NRG3: variants seen among roughly 807,000 people sequenced by gnomAD.
NRG3 encodes pro-neuregulin-3, membrane-bound isoform.
NRG3 carries 31 observed loss-of-function variants against 66.9 expected under a neutral mutation model. The ratio of observed to expected loss-of-function variants is 0.46; its 90% CI spans 0.35 to 0.63. NRG3 has a LOEUF of 0.63. NRG3 is among the 20% of genes least tolerant of loss of function. The pLI is 0.00. For synonymous variants in NRG3, 393 were observed against 359.4 expected (o/e 1.09, Z -1.06); for missense variants, 910 against 878.9 (o/e 1.04, Z -0.45).
At chr10:82,745,555 G>T (rs2058606582) in intron 3 of NRG3, among the ~76,000 whole-genome samples, 1 of 152,038 alleles carries the variant, frequency 6.6e-6, no homozygotes, top group South Asian at 2.1e-4. Flanking sequence ...CCGTTTTTCT[G>T]GCTTGCCATG....
intron 2 of NRG3, among the ~76,000 whole-genome samples, chr10:82,710,176 A>G (rs2056569631): frequency 6.6e-6 from 1 of 152,254 alleles, no homozygotes; most frequent in African/African-American, 2.4e-5. Flanking sequence ...TTGGACATAT[A>G]GCAAGAAATG....
chr10:81,995,806 G>T (rs2060917913), intron 1 of NRG3, among the ~76,000 whole-genome samples: 1 of 152,026 alleles, frequency 6.6e-6, no homozygotes. Context: ...GTACTTTCTG[G>T]TTCTTCATCA....
intron 4 of NRG3, among the ~76,000 whole-genome samples, chr10:82,922,722 G>A (rs1157604603): frequency 6.6e-6 from 1 of 152,176 alleles, no homozygotes; most frequent in Non-Finnish European, 1.5e-5. Flanking sequence ...GGTCTCCATA[G>A]TGAGAGTGTG....
chr10:81,926,763 G>A (rs1206646650), intron 1 of NRG3, among the ~76,000 whole-genome samples: 2 of 152,184 alleles, frequency 1.3e-5, no homozygotes, highest in Non-Finnish European at 2.9e-5. Flanking sequence ...AAGGAATGGA[G>A]TTCCCTAAAT....
rs569936947 is a variant in NRG3 at position 82,756,113 on chromosome 10, C to G, written c.1027+17463C>G. 2.6e-5 allele frequency among the ~76,000 whole-genome samples: 4 copies of G among 152,028 alleles called. No homozygotes were observed. The East Asian group carries it at 5.8e-4, about 22-fold the overall frequency. On this transcript the variant is annotated intron_variant, in intron 3 of 8. Transcript: ENST00000372141. ...TCCTCTAAGAAAGCAGATGGTGGAT[C>G]AGATCTCAGGCCAAAGTTCTCTCCA...
chr10:82,929,738 G>T (rs573525720), intron 4 of NRG3, among the ~76,000 whole-genome samples: 3 of 152,046 alleles, frequency 2.0e-5, no homozygotes, highest in South Asian at 4.2e-4. Context: ...AATTAGCCAG[G>T]CATGGTGGTT....
At chr10:82,623,481 T>G (rs530892094) in intron 2 of NRG3, among the ~76,000 whole-genome samples, 1 of 152,196 alleles carries the variant, frequency 6.6e-6, no homozygotes, top group Admixed American at 6.5e-5. Flanking sequence ...TTGCTTCTCA[T>G]TTATTCATCC....
chr10:82,361,988 A>ACCAT (rs1436934042), intron 2 of NRG3, among the ~76,000 whole-genome samples: 1 of 149,696 alleles, frequency 6.7e-6, no homozygotes, highest in South Asian at 2.1e-4. Flanking sequence ...GTGAAAATAG[A>ACCAT]CCATGCTCTG....
intron 2 of NRG3, among the ~76,000 whole-genome samples, chr10:82,467,507 T>G (rs1162121073): frequency 6.6e-6 from 1 of 152,202 alleles, no homozygotes; most frequent in African/African-American, 2.4e-5. Context: ...GGATTTTGAA[T>G]CCTGCTGAAG....
At chr10:81,942,543 A>AT (rs1227900168) in intron 1 of NRG3, among the ~76,000 whole-genome samples, 8 of 152,056 alleles carry the variant, frequency 5.3e-5, no homozygotes, top group Admixed American at 2.0e-4. Context: ...TGAAAATTCC[A>AT]TTTTTCTTAT....
intron 4 of NRG3, among the ~76,000 whole-genome samples, chr10:82,904,631 A>G (rs1048349427): frequency 6.6e-6 from 1 of 152,194 alleles, no homozygotes; most frequent in African/African-American, 2.4e-5. Flanking sequence ...AGGAATACAT[A>G]GAAGCATATC....
chr10:82,436,856 T>C (rs1387758604), intron 2 of NRG3, among the ~76,000 whole-genome samples: 3 of 152,182 alleles, frequency 2.0e-5, no homozygotes, highest in African/African-American at 7.2e-5. Context: ...GAGTGCTAAA[T>C]ATTGGCCCCC....
At chr10:82,353,733 G>C (rs1006232160) in intron 1 of NRG3, among the ~76,000 whole-genome samples, 2 of 152,102 alleles carry the variant, frequency 1.3e-5, no homozygotes, top group Admixed American at 1.3e-4. Flanking sequence ...CTGATCCCTA[G>C]ACCTTGGTCA....
At chr10:82,635,241 T>C (rs1590959388) in intron 2 of NRG3, among the ~76,000 whole-genome samples, 1 of 152,294 alleles carries the variant, frequency 6.6e-6, no homozygotes, top group South Asian at 2.1e-4. Context: ...CCATGATTTC[T>C]ATTCTATCTC....
At chr10:82,785,696 C>T (rs994753045) in intron 3 of NRG3, among the ~76,000 whole-genome samples, 1 of 152,026 alleles carries the variant, frequency 6.6e-6, no homozygotes, top group Non-Finnish European at 1.5e-5. Flanking sequence ...TACAGAGCTA[C>T]GTGACTTCTT....
At chr10:82,799,199 G>A (rs1026287510) in intron 3 of NRG3, among the ~76,000 whole-genome samples, 1 of 152,092 alleles carries the variant, frequency 6.6e-6, no homozygotes, top group Non-Finnish European at 1.5e-5. Context: ...ATCTGGAGAA[G>A]AGCTCCGGTG....
At chr10:82,469,849 C>G (rs1013646429) in intron 2 of NRG3, among the ~76,000 whole-genome samples, 3 of 152,188 alleles carry the variant, frequency 2.0e-5, no homozygotes, top group African/African-American at 7.2e-5. Context: ...TTATTTCCTT[C>G]TAATTACTTC....
intron 2 of NRG3, among the ~76,000 whole-genome samples, chr10:82,700,713 T>G (rs2055803508): frequency 6.6e-6 from 1 of 152,116 alleles, no homozygotes; most frequent in Non-Finnish European, 1.5e-5. Flanking sequence ...TATGCTTTTG[T>G]TTTTTCAAAG....
intron 1 of NRG3, chr10:82,230,458 A>G (rs578074858): frequency 1.1e-4 from 16 of 152,280 alleles, no homozygotes; most frequent in Admixed American, 7.8e-4. Context: ...ATGCCTTTCC[A>G]GTGTTTTCAG....
Sources: gnomAD v4.1 joint callset for allele counts (sites outside exome capture counted in the v4.1 genomes callset) on GRCh38, gnomAD v4.1.1 for gene constraint, MANE v1.5 for transcripts, NCBI Gene and HGNC (gene_info 2026-07-23, HGNC 2026-07-21) for gene names.